The following NIN variants were observed in gnomAD, a reference collection of about 807,000 sequenced individuals.
NIN encodes ninein.
A neutral mutation model predicts 257.6 loss-of-function variants in NIN; 137 were observed. The observed-to-expected ratio is 0.53, with a 90% confidence interval of 0.46 to 0.61. The LOEUF is 0.61. Ranked by LOEUF, NIN falls within the 20% of genes least tolerant of loss-of-function variation. NIN has a pLI of 0.00. For synonymous variants in NIN, 918 were observed against 919.8 expected, an observed-to-expected ratio of 1.00 and a Z score of 0.04; for missense variants, 2,439 against 2,501.2, an observed-to-expected ratio of 0.98 and a Z score of 0.53.
chr14:50,781,300 CAGG>C (rs1449999718), intron 5 of NIN, among the ~76,000 whole-genome samples: 1 of 152,066 alleles, frequency 6.6e-6, no homozygotes, highest in Non-Finnish European at 1.5e-5. Context: ...GGAGAAATGG[CAGG>C]AGAATATGTT....
At chr14:50,776,026 A>G (rs1477668915) in intron 7 of NIN, among the ~76,000 whole-genome samples, 7 of 152,304 alleles carry the variant, frequency 4.6e-5, no homozygotes, top group African/African-American at 1.7e-4. Context: ...GAAAAATACC[A>G]CTAAACAAAT....
Position 50,773,549 on chromosome 14 carries a change from TAGCACAGCA to T in NIN, c.667-463_667-455del, listed in dbSNP as rs2042810758. Among the ~76,000 whole-genome samples the T allele has an allele frequency of 2.0e-5, 3 of 152,368 alleles. No homozygotes were observed. The South Asian group carries it at 6.2e-4, about 32-fold the overall frequency. ...TGTTGAATTTTTGAAATTGGTAGGCTAGCACAGCAGAATTTGGTCTGGGACAGATTACAA... is the reference window on the plus strand; with the variant it reads ...TGTTGAATTTTTGAAATTGGTAGGCTGAATTTGGTCTGGGACAGATTACAA... On this transcript the variant is annotated intron_variant, in intron 7 of 30. Transcript: ENST00000530997.
Position 50,743,529 on chromosome 14 carries a change from A to C in NIN, c.5188T>G (p.Leu1730Val). 1.2e-6 allele frequency: 2 copies of C among 1,606,684 alleles called. No individual in the cohort carries two copies. Among genetic ancestry groups the C allele is most frequent in the Non-Finnish European group, 1.7e-6 (2 of 1,173,394 alleles). The change falls in exon 24 of 31, where the codon TTG becomes GTG. Residue 1730 changes from leucine (L) to valine (V), a missense_variant and splice_region_variant. By Grantham distance (32) the Leu-to-Val change is conservative. Coordinates refer to ENST00000530997, the MANE Select transcript of NIN (RefSeq NM_020921.4). ...SEELNSCVDK[L>V]AKSSLLEHRI... is the part of the protein sequence containing the mutation. ...TGCTCTAAAAGACTTGATTTTGCCA[A>C]CTGTTTCAGGAAGGGAAAAAGAGGT...
Position 50,756,961 on chromosome 14 carries a change from T to C in NIN, c.4069A>G (p.Ile1357Val), listed in dbSNP as rs1409283717. 2 of 1,608,832 alleles carry C rather than the reference T, an allele frequency of 1.2e-6. No individual in the cohort carries two copies. Among genetic ancestry groups the C allele is most frequent in the Admixed American group, 1.7e-5 (1 of 58,956 alleles). Residue 1357 changes from isoleucine (I) to valine (V), a missense_variant, in exon 18 of 31, where the codon ATC (isoleucine) becomes GTC (valine). Ile to Val is a conservative substitution (Grantham distance 29). Around this residue, in one of 3 missense-constraint regions of NIN, gnomAD observed 2,043 missense variants for 2,050.2 expected, o/e 1.00. Transcript: ENST00000530997. The stretch of plus-strand genomic sequence containing the variant: ...TGGAGTATATTTCCATCAGGTTCGA[T>C]TTCCAGGTTCTCTAAACTGGCTTCC... ...LWEASLENLE[I>V]EPDGNILQLN...
intron 7 of NIN, among the ~76,000 whole-genome samples, chr14:50,774,489 A>G (rs1193571411): frequency 6.6e-6 from 1 of 152,228 alleles, no homozygotes; most frequent in Non-Finnish European, 1.5e-5. Context: ...GCAAGAAGCA[A>G]CAATTCCTAA....
intron 5 of NIN, among the ~76,000 whole-genome samples, chr14:50,791,286 A>T (rs1242028288): frequency 2.6e-5 from 4 of 152,200 alleles, no homozygotes; most frequent in African/African-American, 7.2e-5. Flanking sequence ...TGTGCATATG[A>T]GTATATGTGT....
At chr14:50,760,565 G>GCTGAATTTTATTAGTGT (rs1379626500) in intron 16 of NIN, among the ~76,000 whole-genome samples, 1 of 151,550 alleles carries the variant, frequency 6.6e-6, no homozygotes, top group Non-Finnish European at 1.5e-5. Flanking sequence ...CTTTTAAGTG[G>GCTGAATTTTATTAGTGT]CTGAATTTTA....
chr14:50,758,111 T>G lies in NIN; in HGVS notation c.2919A>C (p.Glu973Asp). The G allele has an allele frequency of 6.2e-7, 1 of 1,614,190 alleles. No individual in the cohort carries two copies. The highest frequency in any genetic ancestry group is 8.5e-7 in the Non-Finnish European group (1 of 1,180,036). ...CCTGCCTTTCCTGGTCATGTTCCAT[T>G]TCTAGTCTTTCCAGCCGCTGGCTGG... ...QLASQRLERLEMEHDQERQEM... is the reference protein window; with the variant it reads ...QLASQRLERLDMEHDQERQEM... Residue 973 changes from glutamate to aspartate, a missense_variant, in exon 18 of 31, where the codon GAA becomes GAC. Around this residue, in one of 3 missense-constraint regions of NIN, gnomAD observed 2,043 missense variants for 2,050.2 expected, o/e 1.00. Transcript: ENST00000530997.
intron 2 of NIN, among the ~76,000 whole-genome samples, chr14:50,830,159 T>A (rs1428090831): frequency 6.6e-6 from 1 of 152,190 alleles, no homozygotes; most frequent in South Asian, 2.1e-4. Flanking sequence ...GGGCGGCACA[T>A]GCCAACGGAA....
intron 4 of NIN, among the ~76,000 whole-genome samples, chr14:50,794,908 G>C (rs183303790): frequency 1.6e-4 from 25 of 152,248 alleles, no homozygotes; most frequent in African/African-American, 5.3e-4. Flanking sequence ...TAGATGCAGT[G>C]GTGGATTCAA....
At position 50,739,480 on chromosome 14, in the gene NIN, G is replaced by A. The variant is rs776944407; in HGVS notation, c.5456C>T (p.Ala1819Val). ...TGATGGATGAGTAGCTATCTCTGGG[G>A]CCCAGCTCTTAAGAGAATTGCAGAG... ...QLQNAGGKSW[A>V]PEIATHPSGL... Residue 1819 changes from alanine (A) to valine (V), a missense_variant, in exon 26 of 31, where the codon GCC becomes GTC. Coordinates refer to ENST00000530997, the MANE Select transcript of NIN (RefSeq NM_020921.4). 1.2e-6 allele frequency: 2 copies of A among 1,614,076 alleles called. No homozygotes were observed. The highest frequency in any genetic ancestry group is 2.2e-5 in the East Asian group (1 of 44,878).
At chr14:50,759,794 T>G (rs997339124) in intron 17 of NIN, 63 bp downstream of exon 17, 2 of 1,523,192 alleles carry the variant, frequency 1.3e-6, no homozygotes, top group Non-Finnish European at 1.8e-6. Context: ...CAGCCACAAC[T>G]GGCACTTCTA....
Position 50,735,615 on chromosome 14 carries a change from G to T in NIN, c.5778C>A (p.Val1926=). The T allele has an allele frequency of 1.2e-6, 2 of 1,607,308 alleles. No homozygotes were observed. The highest frequency in any genetic ancestry group is 1.7e-6 in the Non-Finnish European group (2 of 1,179,030). ...CTTGTTCAAGGGAATTCATCTGACTGACCTGTTTAAAAAAAACAAAATATT... is the reference window on the plus strand; with the variant it reads ...CTTGTTCAAGGGAATTCATCTGACTTACCTGTTTAAAAAAAACAAAATATT... The part of the protein sequence containing the change: ...QKEQSPANRK[V]SQMNSLEQEL... Residue 1926 remains valine, a splice_region_variant and synonymous_variant, in exon 28 of 31, where the codon GTC becomes GTA. Coordinates refer to ENST00000530997, the MANE Select transcript of NIN (RefSeq NM_020921.4).
In NIN at chr14:50,739,430, G is replaced by A. The variant is rs754638134; in HGVS notation, c.5506C>T (p.Leu1836=). ...PSGLHNQQKR[L]SWDKLDHLMN... Reference sequence around the variant, plus strand: ...AGATGATCCAACTTGTCCCAGGACAGCCTTTTCTGCTGGTTATGGAGCCCT... The same window carrying A: ...AGATGATCCAACTTGTCCCAGGACAACCTTTTCTGCTGGTTATGGAGCCCT... The change falls in exon 26 of 31, where the codon CTG becomes TTG. Residue 1836 remains leucine (L), a synonymous_variant. Transcript: ENST00000530997. The A allele has an allele frequency of 1.4e-5, 22 of 1,614,110 alleles. No individual in the cohort carries two copies. The highest frequency in any genetic ancestry group is 4.0e-5 in the African/African-American group (3 of 74,946).
intron 3 of NIN, among the ~76,000 whole-genome samples, chr14:50,809,551 T>G (rs923314619): frequency 1.6e-4 from 25 of 152,192 alleles, no homozygotes; most frequent in African/African-American, 6.0e-4. Context: ...GATTTCAGAT[T>G]CTTTAACTTG....
chr14:50,812,261 T>C (rs557647373), intron 3 of NIN, among the ~76,000 whole-genome samples: 1 of 152,350 alleles, frequency 6.6e-6, no homozygotes, highest in East Asian at 1.9e-4. Context: ...GCAGAGACCC[T>C]ACCTCAAAAT....
Position 50,720,932 on chromosome 14 carries a change from C to A in NIN, c.*2531G>T, listed in dbSNP as rs2040259018. 5.1e-6 allele frequency: 1 copy of A among 194,976 alleles called. No individual in the cohort carries two copies. Among genetic ancestry groups the A allele is most frequent in the African/African-American group, 2.3e-5 (1 of 43,252 alleles). The allele number at this position is 194,976 out of a possible 1,614,324, so 12.1% of individuals were successfully genotyped here. On this transcript the variant is annotated 3_prime_UTR_variant, in exon 31 of 31. Coordinates refer to ENST00000530997, the MANE Select transcript of NIN (RefSeq NM_020921.4). ...TTTGAAAATCAGTGCTTTTAATAAG[C>A]AACTAAATGCCTATAAAATATATAA...
intron 22 of NIN, 100 bp from the exon 23 acceptor site, chr14:50,744,465 C>CCTAT: frequency 2.4e-6 from 3 of 1,256,334 alleles, no homozygotes; most frequent in Non-Finnish European, 3.4e-6. Context: ...CTGCTATTTG[C>CCTAT]CTATCTGTGG....
At chr14:50,754,664 G>A in intron 19 of NIN, 32 bp from the exon 20 acceptor site, 2 of 1,595,702 alleles carry the variant, frequency 1.3e-6, no homozygotes, top group African/African-American at 1.4e-5. Context: ...AAATTTAATG[G>A]TTAGGCTTTA....
Sources: allele counts gnomAD v4.1 joint callset (sites outside exome capture counted in the v4.1 genomes callset), GRCh38; gene constraint gnomAD v4.1.1; regional missense constraint gnomAD v4.1.1; transcripts MANE v1.5; gene names NCBI Gene and HGNC (gene_info 2026-07-23, HGNC 2026-07-21).